Variants in SNU13 observed in about 807,000 individuals in gnomAD.
SNU13 encodes the protein NHP2-like protein 1.
A neutral mutation model predicts 12.4 loss-of-function variants in SNU13; 2 were observed. The ratio of observed to expected loss-of-function variants is 0.16; its 90% CI spans 0.07 to 0.51. SNU13 has a LOEUF of 0.51. Ranked by LOEUF, SNU13 falls within the 20% of genes least tolerant of loss-of-function variation. The probability of loss-of-function intolerance (pLI) is 0.96; values close to 1 mark genes in which losing one functional copy is unlikely to be tolerated. For synonymous variants in SNU13, 68 were observed against 66.5 expected, an observed-to-expected ratio of 1.02 and a Z score of -0.11; for missense variants, 66 against 157.8, an observed-to-expected ratio of 0.42 and a Z score of 3.12.
intron 1 of SNU13, among the ~76,000 whole-genome samples, chr22:41,681,878 A>C (rs2068266379): frequency 6.6e-6 from 1 of 152,148 alleles, no homozygotes; most frequent in African/African-American, 2.4e-5. Flanking sequence ...CCGTCTCAAT[A>C]AATAAATAAA....
chr22:41,681,722 C>A (rs535150613), intron 1 of SNU13, among the ~76,000 whole-genome samples: 2 of 152,152 alleles, frequency 1.3e-5, no homozygotes, highest in Admixed American at 6.5e-5. Context: ...TCAAAATAAC[C>A]CATGTAGGGG....
chr22:41,677,213 A>C (rs1386147520), intron 2 of SNU13, among the ~76,000 whole-genome samples: 1 of 152,174 alleles, frequency 6.6e-6, no homozygotes, highest in Non-Finnish European at 1.5e-5. Flanking sequence ...GGATTATTGA[A>C]AGGATTAAAC....
chr22:41,679,242 C>T (rs560908995), intron 2 of SNU13, among the ~76,000 whole-genome samples: 1 of 151,312 alleles, frequency 6.6e-6, no homozygotes, highest in South Asian at 2.1e-4. Flanking sequence ...AACCTCGTCT[C>T]TACTTGAAAA....
chr22:41,685,376 G>C (rs1454922860), intron 1 of SNU13, among the ~76,000 whole-genome samples: 1 of 151,492 alleles, frequency 6.6e-6, no homozygotes, highest in South Asian at 2.1e-4. Flanking sequence ...TTTTTGAGAC[G>C]GAGTTTTGCT....
At chr22:41,676,748 C>G (rs1049306283) in intron 2 of SNU13, among the ~76,000 whole-genome samples, 1 of 152,202 alleles carries the variant, frequency 6.6e-6, no homozygotes, top group Admixed American at 6.5e-5. Flanking sequence ...GAGTCTACCA[C>G]GCCAAACCCT....
rs1403296085 is a variant in SNU13 at position 41,674,324 on chromosome 22, C to T, written c.*609G>A. On this transcript the variant is annotated 3_prime_UTR_variant, in exon 3 of 3. Coordinates refer to ENST00000401959, the MANE Select transcript of SNU13 (RefSeq NM_001003796.2). ...TTTGGTATGCTGCTGCCCTGCTACC[C>T]TCAAGGGCATGGTTGTGGGTAGGGG... The T allele has an allele frequency of 6.5e-6, 1 of 153,696 alleles. No individual in the cohort carries two copies. 9.5% of individuals were successfully genotyped at this position (153,696 alleles called of 1,614,324 possible).
intron 1 of SNU13, 131 bp from the exon 2 acceptor site, chr22:41,680,495 AC>A: frequency 2.3e-6 from 2 of 868,036 alleles, no homozygotes; most frequent in Non-Finnish European, 3.4e-6. Flanking sequence ...CACACAAAAC[AC>A]CAGGTAGTTA....
At chr22:41,680,823 T>C (rs1037178155) in intron 1 of SNU13, among the ~76,000 whole-genome samples, 2 of 152,190 alleles carry the variant, frequency 1.3e-5, no homozygotes, top group Non-Finnish European at 2.9e-5. Context: ...GCCTCCCAAG[T>C]AGCTGGGACT....
At chr22:41,677,720 C>T (rs2068226412) in intron 2 of SNU13, among the ~76,000 whole-genome samples, 2 of 152,134 alleles carry the variant, frequency 1.3e-5, no homozygotes, top group Non-Finnish European at 2.9e-5. Flanking sequence ...GTACTCACTG[C>T]TAACAGTGGC....
At position 41,682,373 on chromosome 22, in the gene SNU13, T is replaced by A. The variant is rs571080655; in HGVS notation, c.4-2009A>T. Reference sequence around the variant, plus strand: ...ACACTCACCATAGCGTCTGTCTTGGTAGTCTCTTGCCGGACACCGCGAGGA... The same window carrying A: ...ACACTCACCATAGCGTCTGTCTTGGAAGTCTCTTGCCGGACACCGCGAGGA... On this transcript the variant is annotated intron_variant, in intron 1 of 2. Transcript: ENST00000401959. 12 of 1,614,048 alleles carry A rather than the reference T, an allele frequency of 7.4e-6. No individual in the cohort carries two copies. In the African/African-American group the frequency reaches 9.3e-5, roughly 13 times the overall value.
chr22:41,688,175 C>A (rs2068327443), intron 1 of SNU13: 1 of 152,264 alleles, frequency 6.6e-6, no homozygotes, highest in African/African-American at 2.4e-5. Context: ...TTTGAAGCCA[C>A]CGCCTTGCAG....
rs1378391383 is a variant in SNU13 at position 41,674,049 on chromosome 22, G to A, written c.*884C>T. 1 of 152,212 alleles carries A rather than the reference G, an allele frequency of 6.6e-6. No individual in the cohort carries two copies. Among genetic ancestry groups the A allele is most frequent in the Non-Finnish European group, 1.5e-5 (1 of 68,066 alleles). 9.4% of individuals were successfully genotyped at this position (152,212 alleles called of 1,614,324 possible). On this transcript the variant is annotated 3_prime_UTR_variant, in exon 3 of 3. Transcript: ENST00000401959. ...GACCCACATGGTGGCAGGACACAGG[G>A]GAAGGGCTCTCAGAGCTGGTGCCAA...
At chr22:41,689,949 G>C (rs1385788371), upstream of SNU13, among the ~76,000 whole-genome samples, 1 of 150,488 alleles carries the variant, frequency 6.6e-6, no homozygotes, top group African/African-American at 2.5e-5. Flanking sequence ...TTGCACTCCA[G>C]CCTGGGCAAC....
intron 2 of SNU13, among the ~76,000 whole-genome samples, chr22:41,679,471 A>C (rs1326289001): frequency 6.6e-6 from 1 of 152,080 alleles, no homozygotes; most frequent in Non-Finnish European, 1.5e-5. Flanking sequence ...CAGGAGAATC[A>C]TTTGAACCCG....
chr22:41,685,517 C>G (rs2068303561), intron 1 of SNU13, among the ~76,000 whole-genome samples: 1 of 151,794 alleles, frequency 6.6e-6, no homozygotes, highest in South Asian at 2.1e-4. Flanking sequence ...CCATGCCCGG[C>G]TAATTTTTGT....
intron 1 of SNU13, chr22:41,682,696 T>A (rs2068275766): frequency 3.3e-6 from 2 of 604,550 alleles, no homozygotes; most frequent in Non-Finnish European, 2.4e-6. Flanking sequence ...ATTTATTTAT[T>A]TAGAGACGGA....
In SNU13 at chr22:41,682,297, C is replaced by G. The variant is rs979333567; in HGVS notation, c.4-1933G>C. Reference sequence around the variant, plus strand: ...TTTTCTGACACAGCGGGACCACGCTCGCGGCACCACAGCTCTCGGGAGGTG... The same window carrying G: ...TTTTCTGACACAGCGGGACCACGCTGGCGGCACCACAGCTCTCGGGAGGTG... On this transcript the variant is annotated intron_variant, in intron 1 of 2. Coordinates refer to ENST00000401959, the MANE Select transcript of SNU13 (RefSeq NM_001003796.2). The G allele has an allele frequency of 1.4e-5, 21 of 1,539,674 alleles. No individual in the cohort carries two copies. The African/African-American group carries it at 2.6e-4, about 19-fold the overall frequency.
At chr22:41,678,078 C>T (rs2147133490) in intron 2 of SNU13, among the ~76,000 whole-genome samples, 1 of 152,032 alleles carries the variant, frequency 6.6e-6, no homozygotes, top group South Asian at 2.1e-4. Context: ...CGGGTTCACA[C>T]CATTTTCCTG....
chr22:41,677,394 G>A lies in SNU13; in HGVS notation c.125-2199C>T, dbSNP rs116258324. The stretch of plus-strand genomic sequence containing the variant: ...TAAAAAATTAGCCAGGTGTGGTGGC[G>A]TACACCTGTAGTTCCAGCTACCTGG... On this transcript the variant is annotated intron_variant, in intron 2 of 2. Coordinates refer to ENST00000401959, the MANE Select transcript of SNU13 (RefSeq NM_001003796.2). 8.9e-3 allele frequency among the ~76,000 whole-genome samples: 1,359 copies of A among 152,098 alleles called. 23 individuals carry two copies. The highest frequency in any genetic ancestry group is 0.031 in the African/African-American group (1,298 of 41,496).
Sources: allele counts gnomAD v4.1 joint callset (sites outside exome capture counted in the v4.1 genomes callset), GRCh38; gene constraint gnomAD v4.1.1; transcripts MANE v1.5; gene names NCBI Gene and HGNC (gene_info 2026-07-23, HGNC 2026-07-21).